The following TRPS1 variants were observed in gnomAD, a reference collection of about 807,000 sequenced individuals.
The protein encoded by TRPS1 is zinc finger transcription factor Trps1.
TRPS1 carries 6 observed loss-of-function variants against 101.2 expected under a neutral mutation model. The ratio of observed to expected loss-of-function variants is 0.06; its 90% CI spans 0.03 to 0.12. TRPS1 has a LOEUF of 0.12. Among genes scored for constraint, TRPS1 ranks in the 10% least tolerant of loss-of-function variants. TRPS1 has a pLI of 1.00. For missense variants in TRPS1, 1,363 were observed against 1,567.0 expected, an observed-to-expected ratio of 0.87 and a Z score of 2.20; for synonymous variants, 578 against 589.8, an observed-to-expected ratio of 0.98 and a Z score of 0.29.
intron 5 of TRPS1, among the ~76,000 whole-genome samples, chr8:115,500,995 T>TA (rs1815303885): frequency 0.011 from 2 of 176 alleles, no homozygotes; most frequent in South Asian, 0.11. Context: ...GATCTTTCTA[T>TA]AGGTAATTTA....
chr8:115,665,492 T>C (rs1337873530), intron 1 of TRPS1, among the ~76,000 whole-genome samples: 1 of 152,208 alleles, frequency 6.6e-6, no homozygotes, highest in African/African-American at 2.4e-5. Context: ...GAATATTTCC[T>C]TATAGGAAGA....
chr8:115,642,849 A>ATAT (rs1554602863), intron 1 of TRPS1, among the ~76,000 whole-genome samples: 16 of 146,042 alleles, frequency 1.1e-4, no homozygotes, highest in African/African-American at 2.5e-5. Flanking sequence ...CGTGAAAAAA[A>ATAT]ATATATATAT....
intron 3 of TRPS1, among the ~76,000 whole-genome samples, chr8:115,617,099 T>C (rs1161623472): frequency 6.6e-6 from 1 of 152,220 alleles, no homozygotes; most frequent in Non-Finnish European, 1.5e-5. Context: ...AAGTTAACCC[T>C]TTAGATGCGT....
At chr8:115,610,553 A>G (rs1375260452) in intron 3 of TRPS1, among the ~76,000 whole-genome samples, 1 of 152,200 alleles carries the variant, frequency 6.6e-6, no homozygotes, top group African/African-American at 2.4e-5. Flanking sequence ...ACACTGTAAC[A>G]ACTCCCTTAT....
intron 5 of TRPS1, among the ~76,000 whole-genome samples, chr8:115,472,166 G>T (rs1256885825): frequency 6.6e-6 from 1 of 152,170 alleles, no homozygotes; most frequent in African/African-American, 2.4e-5. Context: ...TCTCAATGAG[G>T]GCTCAACCAC....
chr8:115,516,769 G>A (rs1449015676), intron 5 of TRPS1, among the ~76,000 whole-genome samples: 1 of 151,460 alleles, frequency 6.6e-6, no homozygotes, highest in Non-Finnish European at 1.5e-5. Context: ...AGGTTAAAGA[G>A]TATGAATAAA....
intron 1 of TRPS1, among the ~76,000 whole-genome samples, chr8:115,654,232 G>C (rs990424657): frequency 1.6e-4 from 2 of 12,294 alleles, no homozygotes; most frequent in African/African-American, 6.9e-4. Context: ...GAAATGGAAA[G>C]TTGAGAAATT....
At chr8:115,536,805 T>A (rs888078412) in intron 5 of TRPS1, among the ~76,000 whole-genome samples, 1 of 151,642 alleles carries the variant, frequency 6.6e-6, no homozygotes, top group East Asian at 1.9e-4. Context: ...TTTGTTTTTT[T>A]TTTCCCTCTT....
rs1563747791 is a variant in TRPS1, at chr8:115,461,290, TAGATAGATAG to T, written c.2701-42848_2701-42839del. 0.019 allele frequency among the ~76,000 whole-genome samples: 561 copies of T among 30,198 alleles called. 3 individuals carry two copies. In the East Asian group the frequency reaches 0.28, roughly 15 times the overall value. 19.8% of individuals were successfully genotyped at this position (30,198 alleles called of 152,430 possible). ...ATAGATAGATAGATAGATAGATAGA[TAGATAGATAG>T]ACAGATACATACATACATACATACA... On this transcript the variant is annotated intron_variant, in intron 5 of 6. Coordinates refer to ENST00000395715, the MANE Select transcript of TRPS1 (RefSeq NM_014112.5).
At chr8:115,436,532 CTTA>C (rs2129858225) in intron 5 of TRPS1, among the ~76,000 whole-genome samples, 2 of 152,168 alleles carry the variant, frequency 1.3e-5, no homozygotes, top group African/African-American at 4.8e-5. Flanking sequence ...GTTTCTAAAA[CTTA>C]TTATTATTGT....
intron 1 of TRPS1, among the ~76,000 whole-genome samples, chr8:115,644,856 A>C (rs1454012660): frequency 6.6e-6 from 1 of 152,182 alleles, no homozygotes; most frequent in Admixed American, 6.5e-5. Context: ...AGGGAGGACC[A>C]ACGAGCACCA....
In TRPS1 at chr8:115,648,572, C is replaced by CTCCAG. The variant is rs1811483456; in HGVS notation, c.-122+19968_-122+19972dup. 3.3e-5 allele frequency among the ~76,000 whole-genome samples: 5 copies of CTCCAG among 152,328 alleles called. 1 individual carries two copies. In the South Asian group the frequency reaches 1.0e-3, roughly 32 times the overall value. ...AGCCAACTCACTCTCACCGTAGCTG[C>CTCCAG]TCCAGAATCCGTGAAAAGAAAATGG... On this transcript the variant is annotated intron_variant, in intron 1 of 6. Coordinates refer to ENST00000395715, the MANE Select transcript of TRPS1 (RefSeq NM_014112.5).
Position 115,604,494 on chromosome 8 carries a change from G to A in TRPS1, c.1475C>T (p.Ser492Phe), listed in dbSNP as rs554214513. The change falls in exon 4 of 7, where the codon TCT becomes TTT. Residue 492 changes from serine to phenylalanine, a missense_variant. Coordinates refer to ENST00000395715, the MANE Select transcript of TRPS1 (RefSeq NM_014112.5). This position sits in a 1 kb window ranked among gnomAD's most constrained non-coding sequence, Gnocchi z 4.1. The part of the protein sequence containing the change: ...PELNDKLSRG[S>F]VINQNDLAKS... ...GGCTAGATCATTCTGATTAATGACA[G>A]AGCCCCTGGAAAGCTTATCATTTAA... is the stretch of plus-strand genomic sequence containing the variant. 76 of 1,614,090 alleles carry A rather than the reference G, an allele frequency of 4.7e-5. No homozygotes were observed. The South Asian group carries it at 7.8e-4, about 17-fold the overall frequency.
intron 5 of TRPS1, among the ~76,000 whole-genome samples, chr8:115,575,231 G>A (rs2358021): frequency 0.69 from 105,165 of 152,016 alleles, 37,795 homozygotes; most frequent in African/African-American, 0.89. Flanking sequence ...TCGATAGACA[G>A]TTTTTCTAGG....
chr8:115,643,020 A>T (rs1341518605), intron 1 of TRPS1, among the ~76,000 whole-genome samples: 4 of 152,118 alleles, frequency 2.6e-5, no homozygotes, highest in Non-Finnish European at 5.9e-5. Context: ...TAAAAGCTAC[A>T]TTTACATTAC....
At chr8:115,654,930 C>T (rs1388478317) in intron 1 of TRPS1, among the ~76,000 whole-genome samples, 1 of 152,126 alleles carries the variant, frequency 6.6e-6, no homozygotes. Context: ...ATTCTATTCT[C>T]ATATCCATGT....
In TRPS1 at chr8:115,492,457, CTGTGTGTG is replaced by C. The variant is rs72046761; in HGVS notation, c.2701-74013_2701-74006del. Among the ~76,000 whole-genome samples the C allele has an allele frequency of 4.8e-5, 7 of 145,382 alleles. No individual in the cohort carries two copies. The East Asian group carries it at 6.0e-4, about 12-fold the overall frequency. On this transcript the variant is annotated intron_variant, in intron 5 of 6. Coordinates refer to ENST00000395715, the MANE Select transcript of TRPS1 (RefSeq NM_014112.5). ...ATTGTTATTTATTGGGTGCCAAGCA[CTGTGTGTG>C]TGTGTGTGTGTGTGTGCGTGCGTGT...
chr8:115,648,787 C>A (rs189405992), intron 1 of TRPS1, among the ~76,000 whole-genome samples: 1 of 152,062 alleles, frequency 6.6e-6, no homozygotes, highest in African/African-American at 2.4e-5. Flanking sequence ...CTAACAGACA[C>A]GCTGGATAAT....
chr8:115,509,766 T>C (rs1233288822), intron 5 of TRPS1: 2 of 151,984 alleles, frequency 1.3e-5, no homozygotes, highest in Non-Finnish European at 2.9e-5. Context: ...TCTCACTCAA[T>C]ATCCAGTGTC....
Sources: gnomAD v4.1 joint callset for allele counts (sites outside exome capture counted in the v4.1 genomes callset) on GRCh38, gnomAD v4.1.1 for gene constraint, Gnocchi (gnomAD v3.1) non-coding constraint, MANE v1.5 for transcripts, NCBI Gene and HGNC (gene_info 2026-07-23, HGNC 2026-07-21) for gene names.